LINGO2: variants seen among roughly 807,000 people sequenced by gnomAD.
LINGO2 encodes leucine-rich repeat and immunoglobulin-like domain-containing nogo receptor-interacting protein 2.
In LINGO2, 14 loss-of-function variants were observed where a neutral mutation model predicts 30.6. The observed-to-expected ratio is 0.46, with a 90% CI of 0.30 to 0.72. The LOEUF (loss-of-function observed/expected upper bound fraction) is 0.72, where lower values mean the gene tolerates loss of function less well. LINGO2 is among the 30% of genes least tolerant of loss of function. The pLI, the probability that LINGO2 is intolerant of heterozygous loss-of-function variation, is 0.07. For synonymous variants in LINGO2, 317 were observed against 288.5 expected, an observed-to-expected ratio of 1.10 and a Z score of -1.00; for missense variants, 729 against 751.7, an observed-to-expected ratio of 0.97 and a Z score of 0.35.
the LINGO2 span, among the ~76,000 whole-genome samples, chr9:28,746,499 C>T: frequency 6.6e-6 from 1 of 151,686 alleles, no homozygotes; most frequent in African/African-American, 2.4e-5. Context: ...TTTAAGATTA[C>T]GTGAAGAATA....
intron 2 of LINGO2, among the ~76,000 whole-genome samples, chr9:28,426,349 C>A (rs1823413424): frequency 6.6e-6 from 1 of 151,946 alleles, no homozygotes; most frequent in Admixed American, 6.6e-5. Flanking sequence ...ACGTGTAATT[C>A]CAGAACTAAT....
At chr9:28,307,659 A>T (rs1035423924) in intron 3 of LINGO2, among the ~76,000 whole-genome samples, 1 of 152,298 alleles carries the variant, frequency 6.6e-6, no homozygotes, top group African/African-American at 2.4e-5. Flanking sequence ...TGCAGATGAC[A>T]TGATTGTATA....
At chr9:28,192,363 A>G (rs1397234781) in intron 4 of LINGO2, among the ~76,000 whole-genome samples, 1 of 152,086 alleles carries the variant, frequency 6.6e-6, no homozygotes, top group Non-Finnish European at 1.5e-5. Context: ...TCACTGAATT[A>G]ATTAATTTAA....
At chr9:28,259,031 T>A (rs1025946784) in intron 4 of LINGO2, among the ~76,000 whole-genome samples, 6 of 151,996 alleles carry the variant, frequency 3.9e-5, no homozygotes, top group African/African-American at 1.4e-4. Context: ...AATTCTCTAA[T>A]TTAAAAATTT....
intron 1 of LINGO2, among the ~76,000 whole-genome samples, chr9:28,629,447 T>G (rs1826831670): frequency 6.6e-6 from 1 of 152,124 alleles, no homozygotes; most frequent in East Asian, 1.9e-4. Context: ...GTTAGCATAT[T>G]TAAAAATTTC....
At chr9:28,496,621 G>C (rs1819640262) in intron 1 of LINGO2, among the ~76,000 whole-genome samples, 1 of 152,052 alleles carries the variant, frequency 6.6e-6, no homozygotes, top group Non-Finnish European at 1.5e-5. Flanking sequence ...CAATTTGCCA[G>C]TCTGTGTCTT....
chr9:28,262,202 T>C (rs528159448), intron 4 of LINGO2, among the ~76,000 whole-genome samples: 6 of 152,016 alleles, frequency 3.9e-5, no homozygotes, highest in Non-Finnish European at 5.9e-5. Context: ...TTATGAGAAA[T>C]AATTAAGACG....
chr9:28,258,365 C>G (rs150182024), intron 4 of LINGO2, among the ~76,000 whole-genome samples: 2 of 151,858 alleles, frequency 1.3e-5, no homozygotes, highest in African/African-American at 4.8e-5. Flanking sequence ...AGAGTGAGGT[C>G]TGAGGAATAA....
chr9:28,308,123 G>A (rs1179800767), intron 3 of LINGO2, among the ~76,000 whole-genome samples: 34 of 132,936 alleles, frequency 2.6e-4, no homozygotes, highest in Admixed American at 3.8e-4. Context: ...TCATCGCCAA[G>A]TCAATCCTAA....
chr9:29,165,766 G>A, the LINGO2 span, among the ~76,000 whole-genome samples: 176 of 152,028 alleles, frequency 1.2e-3, no homozygotes, highest in African/African-American at 4.1e-3. Context: ...AAAACTGATC[G>A]GGCAAAAGAA....
At chr9:29,035,767 C>T in the LINGO2 span, among the ~76,000 whole-genome samples, 2 of 151,854 alleles carry the variant, frequency 1.3e-5, no homozygotes, top group African/African-American at 4.8e-5. Flanking sequence ...TTGTATTGAG[C>T]TATCGTAAAA....
At chr9:27,976,513 T>A (rs1251078472) in intron 5 of LINGO2, among the ~76,000 whole-genome samples, 1 of 152,038 alleles carries the variant, frequency 6.6e-6, no homozygotes, top group Non-Finnish European at 1.5e-5. Context: ...AATGCTAGGT[T>A]TTTTTCTGTG....
At chr9:29,187,003 TACAG>T in the LINGO2 span, among the ~76,000 whole-genome samples, 4 of 152,148 alleles carry the variant, frequency 2.6e-5, no homozygotes, top group Non-Finnish European at 4.4e-5. Flanking sequence ...AAATTTCAAC[TACAG>T]ACAGAGAAAT....
At chr9:29,171,040 G>A in the LINGO2 span, among the ~76,000 whole-genome samples, 1 of 151,850 alleles carries the variant, frequency 6.6e-6, no homozygotes, top group Non-Finnish European at 1.5e-5. Context: ...TTTATTTGAA[G>A]AACTTCTTCT....
the LINGO2 span, among the ~76,000 whole-genome samples, chr9:28,902,063 A>C: frequency 2.0e-5 from 3 of 152,158 alleles, no homozygotes; most frequent in Non-Finnish European, 4.4e-5. Context: ...TTTTATAAAA[A>C]GACATAGATT....
chr9:28,170,505 C>T (rs552554329), intron 4 of LINGO2, among the ~76,000 whole-genome samples: 3 of 152,150 alleles, frequency 2.0e-5, no homozygotes, highest in Non-Finnish European at 4.4e-5. Flanking sequence ...TGGTGGCTGG[C>T]TGCAATGTCC....
intron 4 of LINGO2, among the ~76,000 whole-genome samples, chr9:28,189,677 A>G (rs796752119): frequency 2.5e-3 from 65 of 25,642 alleles, no homozygotes; most frequent in Non-Finnish European, 4.9e-3. Flanking sequence ...GGGAGGAAGG[A>G]AGGAAGGGAG....
chr9:29,166,552 A>C, the LINGO2 span, among the ~76,000 whole-genome samples: 24 of 152,290 alleles, frequency 1.6e-4, no homozygotes, highest in African/African-American at 5.3e-4. Context: ...GAAGATAACT[A>C]TCCAAGGCAC....
chr9:28,072,123 A>T (rs1274908591), intron 4 of LINGO2, among the ~76,000 whole-genome samples: 1 of 150,374 alleles, frequency 6.7e-6, no homozygotes, highest in African/African-American at 2.5e-5. Context: ...GATGAATAAT[A>T]AAGAATACTG....
Sources: gnomAD v4.1 joint callset for allele counts (sites outside exome capture counted in the v4.1 genomes callset) on GRCh38, gnomAD v4.1.1 for gene constraint, MANE v1.5 for transcripts, NCBI Gene and HGNC (gene_info 2026-07-23, HGNC 2026-07-21) for gene names.